POLA1: variants seen among roughly 807,000 people sequenced by gnomAD.
POLA1 encodes DNA polymerase alpha 1, catalytic subunit.
A neutral mutation model predicts 124.0 loss-of-function variants in POLA1; 15 were observed. The observed-to-expected ratio is 0.12, with a 90% CI of 0.08 to 0.19. The LOEUF (loss-of-function observed/expected upper bound fraction) is 0.19. POLA1 is among the 10% of genes least tolerant of loss of function. The pLI is 1.00. For missense variants in POLA1, 886 were observed against 1,103.4 expected, an observed-to-expected ratio of 0.80 and a Z score of 2.79; for synonymous variants, 408 against 389.4, an observed-to-expected ratio of 1.05 and a Z score of -0.56.
chrX:24,938,607 T>C (rs1223239794), intron 36 of POLA1, among the ~76,000 whole-genome samples: 1 of 112,408 alleles, frequency 8.9e-6, no homozygotes, highest in African/African-American at 3.2e-5. Context: ...ATTTCTTAAA[T>C]TTTGCTACTG....
chrX:24,853,184 C>T (rs1259726106), intron 34 of POLA1, among the ~76,000 whole-genome samples: 1 of 112,050 alleles, frequency 8.9e-6, no homozygotes, highest in African/African-American at 3.2e-5. Flanking sequence ...CTCTTACTGA[C>T]GAATGTATGC....
chrX:24,726,054 C>T lies in POLA1; in HGVS notation c.1391C>T (p.Ser464Leu). 1 of 1,109,239 alleles carries T rather than the reference C, an allele frequency of 9.0e-7. No individual in the cohort carries two copies. The highest frequency in any genetic ancestry group is 1.2e-6 in the Non-Finnish European group (1 of 808,041). 91.4% of individuals were successfully genotyped at this position (1,109,239 alleles called of 1,213,427 possible). Reference sequence around the variant, plus strand: ...TCTGAGTACTTGGAAGTTAAATACTCGGTAAGTCAAACAAAGAAAATTACT... The same window carrying T: ...TCTGAGTACTTGGAAGTTAAATACTTGGTAAGTCAAACAAAGAAAATTACT... ...EKSEYLEVKY[S>L]AEMPQLPQDL... Residue 464 changes from serine to leucine, a missense_variant and splice_region_variant, in exon 13 of 37, where the codon TCG becomes TTG. Transcript: ENST00000379068.
chrX:24,814,957 GTTTTTTT>G lies in POLA1; in HGVS notation c.3297-11_3297-5del. On this transcript the variant is annotated splice_polypyrimidine_tract_variant and intron_variant, in intron 29 of 36. Coordinates refer to ENST00000379068, the MANE Select transcript of POLA1 (RefSeq NM_001330360.2). The stretch of plus-strand genomic sequence containing the variant: ...AAAAATCAACTGCTGTCTTTGTTTT[GTTTTTTT>G]TTTTTTTTTTGCAGCTTTGTGATTG... 1.2e-6 allele frequency: 1 copy of G among 857,905 alleles called. No homozygotes were observed. Among genetic ancestry groups the G allele is most frequent in the Non-Finnish European group, 1.5e-6 (1 of 668,632 alleles). The allele number at this position is 857,905 out of a possible 1,213,427, so 70.7% of individuals were successfully genotyped here.
chrX:24,985,724 G>A (rs1033442361), intron 36 of POLA1, among the ~76,000 whole-genome samples: 11 of 112,084 alleles, frequency 9.8e-5, no homozygotes, highest in Non-Finnish European at 1.5e-4. Flanking sequence ...TCAGATTTTC[G>A]GATGTTCAGC....
intron 26 of POLA1, among the ~76,000 whole-genome samples, chrX:24,788,220 C>T (rs2045404897): frequency 9.0e-6 from 1 of 111,038 alleles, no homozygotes; most frequent in African/African-American, 3.3e-5. Flanking sequence ...TACCTCAACA[C>T]AATAAAGGCC....
At chrX:24,710,828 G>A (rs1329592813) in intron 4 of POLA1, among the ~76,000 whole-genome samples, 3 of 109,231 alleles carry the variant, frequency 2.7e-5, no homozygotes, top group Admixed American at 9.8e-5. Context: ...CACCATACCC[G>A]GCTAATTTTT....
chrX:24,802,967 C>G (rs1425680660), intron 26 of POLA1, among the ~76,000 whole-genome samples: 1 of 111,140 alleles, frequency 9.0e-6, no homozygotes, highest in African/African-American at 3.3e-5. Flanking sequence ...CACTGCACTC[C>G]CAGCCTGGGC....
Position 24,693,933 on chromosome X carries a change from GTT to G in POLA1, c.-28_-27del, listed in dbSNP as rs1349852064. 2 of 1,183,112 alleles carry G rather than the reference GTT, an allele frequency of 1.7e-6. No homozygotes were observed. The highest frequency in any genetic ancestry group is 2.3e-6 in the Non-Finnish European group (2 of 880,246). On this transcript the variant is annotated 5_prime_UTR_variant, in exon 1 of 37. Coordinates refer to ENST00000379068, the MANE Select transcript of POLA1 (RefSeq NM_001330360.2). Reference sequence around the variant, plus strand: ...CGGCCCCCGCGCCAGTTTTGGGCTGGTTGGCGCGGAATCGGGAGATTCGGGAC... The same window carrying G: ...CGGCCCCCGCGCCAGTTTTGGGCTGGGGCGCGGAATCGGGAGATTCGGGAC...
chrX:24,897,516 G>A (rs1020760630), intron 35 of POLA1, among the ~76,000 whole-genome samples: 1 of 110,800 alleles, frequency 9.0e-6, no homozygotes, highest in Non-Finnish European at 1.9e-5. Context: ...TTTGTTGAAT[G>A]AATGAATCTT....
At chrX:24,738,392 T>C in intron 19 of POLA1, among the ~76,000 whole-genome samples, 1 of 111,400 alleles carries the variant, frequency 9.0e-6, no homozygotes, top group Non-Finnish European at 1.9e-5. Context: ...AGTGCTATCA[T>C]TTAGGAAGAA....
At chrX:24,752,254 T>C (rs1932359081) in intron 26 of POLA1, among the ~76,000 whole-genome samples, 2 of 112,478 alleles carry the variant, frequency 1.8e-5, no homozygotes, top group Non-Finnish European at 3.8e-5. Flanking sequence ...AGTAGTTGTG[T>C]CAAATGGGCA....
chrX:24,770,945 C>T (rs1438802264), intron 26 of POLA1, among the ~76,000 whole-genome samples: 2 of 111,228 alleles, frequency 1.8e-5, no homozygotes, highest in African/African-American at 6.5e-5. Context: ...CATTCCATAA[C>T]AGTAACACAA....
chrX:24,825,801 C>T (rs937000023), intron 31 of POLA1, among the ~76,000 whole-genome samples: 1 of 111,555 alleles, frequency 9.0e-6, no homozygotes, highest in Non-Finnish European at 1.9e-5. Context: ...AGATATTTGG[C>T]TTTTAGAGCC....
At chrX:24,940,268 T>C (rs1485370512) in intron 36 of POLA1, among the ~76,000 whole-genome samples, 1 of 111,996 alleles carries the variant, frequency 8.9e-6, no homozygotes, top group Non-Finnish European at 1.9e-5. Context: ...AAATTAGATA[T>C]GACATCTAAA....
intron 36 of POLA1, among the ~76,000 whole-genome samples, chrX:24,953,068 C>T (rs1472253997): frequency 1.8e-5 from 2 of 112,094 alleles, no homozygotes; most frequent in Non-Finnish European, 3.8e-5. Context: ...AATGGATGCT[C>T]TTATCCCCAT....
At chrX:24,930,192 G>T (rs1167199234) in intron 35 of POLA1, among the ~76,000 whole-genome samples, 16 of 112,255 alleles carry the variant, frequency 1.4e-4, no homozygotes. Flanking sequence ...TCAGGTTTTT[G>T]ACAGCAGGGG....
chrX:24,695,814 G>A, intron 1 of POLA1, among the ~76,000 whole-genome samples: 1 of 112,197 alleles, frequency 8.9e-6, no homozygotes, highest in Non-Finnish European at 1.9e-5. Context: ...AGGTACAGTG[G>A]TTCATTCATT....
chrX:24,894,222 A>G (rs1321100248), intron 35 of POLA1, among the ~76,000 whole-genome samples: 1 of 112,261 alleles, frequency 8.9e-6, no homozygotes, highest in Non-Finnish European at 1.9e-5. Context: ...TGTCACTGCT[A>G]CCTTTTCTAG....
intron 35 of POLA1, among the ~76,000 whole-genome samples, chrX:24,906,012 T>C (rs2047361330): frequency 2.7e-5 from 3 of 112,151 alleles, no homozygotes; most frequent in South Asian, 7.4e-4. Context: ...AATAAATAGA[T>C]GTTGGCATGG....
Sources: gnomAD v4.1 joint callset for allele counts (sites outside exome capture counted in the v4.1 genomes callset) on GRCh38, gnomAD v4.1.1 for gene constraint, MANE v1.5 for transcripts, NCBI Gene and HGNC (gene_info 2026-07-23, HGNC 2026-07-21) for gene names.